Variants in GLI3 observed in about 807,000 individuals in gnomAD.
GLI3 encodes GLI family zinc finger 3, also known as transcription activator GLI3.
A neutral mutation model predicts 100.8 loss-of-function variants in GLI3; 20 were observed. The ratio of observed to expected loss-of-function variants is 0.20; its 90% CI spans 0.14 to 0.29. The LOEUF (loss-of-function observed/expected upper bound fraction) is 0.29, where lower values mean the gene tolerates loss of function less well. GLI3 is among the 10% of genes least tolerant of loss of function. The pLI, the probability that GLI3 is intolerant of heterozygous loss-of-function variation, is 1.00. For synonymous variants in GLI3, 938 were observed against 860.5 expected (o/e 1.09, Z -1.58); for missense variants, 2,040 against 2,128.5 (o/e 0.96, Z 0.82).
At chr7:42,255,771 AG>A (rs1384935382) in intron 1 of GLI3, among the ~76,000 whole-genome samples, 1 of 152,194 alleles carries the variant, frequency 6.6e-6, no homozygotes, top group African/African-American at 2.4e-5. Context: ...TTCGATGGAC[AG>A]TCATATAAGT....
chr7:42,185,318 C>A (rs1036812593), intron 2 of GLI3, among the ~76,000 whole-genome samples: 3 of 152,224 alleles, frequency 2.0e-5, no homozygotes, highest in African/African-American at 7.2e-5. Context: ...GGTCCAGGGA[C>A]CACCTAAAAG....
intron 2 of GLI3, among the ~76,000 whole-genome samples, chr7:42,199,835 C>T (rs1028087521): frequency 6.6e-6 from 1 of 152,138 alleles, no homozygotes; most frequent in African/African-American, 2.4e-5. Flanking sequence ...GCAGGCGGAT[C>T]ACATAAGGTC....
Position 41,963,639 on chromosome 7 carries a change from G to A in GLI3, c.*691C>T, listed in dbSNP as rs1340240812. ...CAAAGCACACTTACAGACATGAAGA[G>A]CTGAAAACCAAAACTGTGAGCGCCC... On this transcript the variant is annotated 3_prime_UTR_variant, in exon 15 of 15. Coordinates refer to ENST00000395925, the MANE Select transcript of GLI3 (RefSeq NM_000168.6). The A allele has an allele frequency of 1.3e-5, 2 of 152,422 alleles. No homozygotes were observed. Among genetic ancestry groups the A allele is most frequent in the Non-Finnish European group, 2.9e-5 (2 of 68,240 alleles). 9.4% of individuals were successfully genotyped at this position (152,422 alleles called of 1,614,324 possible).
intron 3 of GLI3, among the ~76,000 whole-genome samples, chr7:42,140,011 C>T (rs1463016591): frequency 6.6e-6 from 1 of 152,236 alleles, no homozygotes; most frequent in Non-Finnish European, 1.5e-5. Context: ...TTGCCACTTC[C>T]CTCCTGAAAT....
Position 42,201,642 on chromosome 7 carries a change from C to G in GLI3, c.124+21488G>C, listed in dbSNP as rs1788041876. On this transcript the variant is annotated intron_variant, in intron 2 of 14. Transcript: ENST00000395925. ...TTTACATGGACCCAGATAGTAGAGC[C>G]TACTACATACCTAGGCTGTATGGCA... Among the ~76,000 whole-genome samples, 3 of 152,108 alleles carry G rather than the reference C, an allele frequency of 2.0e-5. No homozygotes were observed. The South Asian group carries it at 6.2e-4, about 32-fold the overall frequency.
chr7:42,187,019 G>A (rs1424294618), intron 2 of GLI3, among the ~76,000 whole-genome samples: 1 of 150,134 alleles, frequency 6.7e-6, no homozygotes, highest in African/African-American at 2.5e-5. Context: ...AAACCAAACT[G>A]AGCTATATAG....
chr7:42,040,703 A>C (rs1278766071), intron 6 of GLI3, among the ~76,000 whole-genome samples: 2 of 152,190 alleles, frequency 1.3e-5, no homozygotes, highest in Non-Finnish European at 2.9e-5. Flanking sequence ...TTAAAAATTC[A>C]GCTCAGTTAT....
At chr7:42,027,594 T>C (rs1374018198) in intron 7 of GLI3, among the ~76,000 whole-genome samples, 1 of 152,200 alleles carries the variant, frequency 6.6e-6, no homozygotes, top group Admixed American at 6.5e-5. Flanking sequence ...ATATACTCTG[T>C]TCATTAATGT....
intron 3 of GLI3, among the ~76,000 whole-genome samples, chr7:42,098,518 C>T (rs1469235052): frequency 1.3e-5 from 2 of 152,300 alleles, no homozygotes; most frequent in East Asian, 3.9e-4. Context: ...TAACCTTGTA[C>T]ACATGACTCC....
intron 2 of GLI3, among the ~76,000 whole-genome samples, chr7:42,220,439 G>A (rs550483390): frequency 6.6e-6 from 1 of 152,260 alleles, no homozygotes; most frequent in Non-Finnish European, 1.5e-5. Flanking sequence ...CACACGAATA[G>A]TGTCCCAACT....
At chr7:42,262,488 G>C (rs528997282) in intron 1 of GLI3, among the ~76,000 whole-genome samples, 1 of 152,160 alleles carries the variant, frequency 6.6e-6, no homozygotes, top group East Asian at 1.9e-4. Context: ...TCAAACTCCT[G>C]GGCTCAAGCC....
chr7:42,209,986 G>GAAAAAAAAAAA (rs749477443), intron 2 of GLI3, among the ~76,000 whole-genome samples: 2 of 33,268 alleles, frequency 6.0e-5, no homozygotes, highest in African/African-American at 1.5e-4. Context: ...TTAAGAATCT[G>GAAAAAAAAAAA]AAAAAAAAAA....
At chr7:42,052,315 C>T (rs1295497409) in intron 4 of GLI3, among the ~76,000 whole-genome samples, 1 of 152,176 alleles carries the variant, frequency 6.6e-6, no homozygotes, top group African/African-American at 2.4e-5. Context: ...CTTTCCATAG[C>T]AAATCTGATC....
chr7:42,215,203 G>A (rs543271890), intron 2 of GLI3, among the ~76,000 whole-genome samples: 80 of 152,226 alleles, frequency 5.3e-4, no homozygotes, highest in African/African-American at 1.8e-3. Flanking sequence ...TCTGTGTCTC[G>A]ATGGTGGTGG....
In GLI3 at chr7:42,045,731, T is replaced by G. The variant is rs538759632; in HGVS notation, c.680-201A>C. The stretch of plus-strand genomic sequence containing the variant: ...TGAAAATAAAACTGAAGGAAAGGAA[T>G]AGAAAAAAGTGAAATGCATTACTAA... On this transcript the variant is annotated intron_variant, in intron 5 of 14. Coordinates refer to ENST00000395925, the MANE Select transcript of GLI3 (RefSeq NM_000168.6). Among the ~76,000 whole-genome samples, 20 of 152,268 alleles carry G rather than the reference T, an allele frequency of 1.3e-4. No homozygotes were observed. The Middle Eastern group carries it at 0.01, about 78-fold the overall frequency.
rs1483747786 is a variant in GLI3, at chr7:42,172,055, A to G, written c.125-23587T>C. ...GATCTCAGCTATGGGTTTTGAACAG[A>G]AAAGTATATTTCCTTCTAGTCTTTT... On this transcript the variant is annotated intron_variant, in intron 2 of 14. Transcript: ENST00000395925. Among the ~76,000 whole-genome samples the G allele has an allele frequency of 5.3e-5, 8 of 151,962 alleles. No individual in the cohort carries two copies. In the South Asian group the frequency reaches 1.3e-3, roughly 24 times the overall value.
At chr7:42,036,855 A>G (rs1019530864) in intron 7 of GLI3, among the ~76,000 whole-genome samples, 1 of 152,120 alleles carries the variant, frequency 6.6e-6, no homozygotes, top group East Asian at 1.9e-4. Context: ...GTAAAACAAG[A>G]ATAAGGCCAG....
chr7:42,092,785 T>TTTTATTTATTTATTTATTTATTTATTTA (rs201707528), intron 3 of GLI3, among the ~76,000 whole-genome samples: 1 of 145,372 alleles, frequency 6.9e-6, no homozygotes, highest in African/African-American at 2.6e-5. Flanking sequence ...TTTTATTTCA[T>TTTTATTTATTTATTTATTTATTTATTTA]TTTATTTATT....
At chr7:42,198,982 C>A (rs1362090938) in intron 2 of GLI3, among the ~76,000 whole-genome samples, 2 of 148,832 alleles carry the variant, frequency 1.3e-5, no homozygotes, top group Non-Finnish European at 3.0e-5. Flanking sequence ...TCACTGCCAA[C>A]TAAAATGACA....
Sources: gnomAD v4.1 joint callset for allele counts (sites outside exome capture counted in the v4.1 genomes callset) on GRCh38, gnomAD v4.1.1 for gene constraint, MANE v1.5 for transcripts, NCBI Gene and HGNC (gene_info 2026-07-23, HGNC 2026-07-21) for gene names.